Variants in DLGAP2 observed in about 807,000 individuals in gnomAD.
The protein encoded by DLGAP2 is DLG associated protein 2.
DLGAP2 carries 26 observed loss-of-function variants against 100.3 expected under a neutral mutation model. The observed-to-expected ratio is 0.26, with a 90% CI of 0.19 to 0.36. The LOEUF (loss-of-function observed/expected upper bound fraction) is 0.36. DLGAP2 is among the 10% of genes least tolerant of loss of function. DLGAP2 has a pLI of 1.00. For synonymous variants in DLGAP2, 886 were observed against 630.1 expected (o/e 1.41, Z -6.08); for missense variants, 1,858 against 1,453.2 (o/e 1.28, Z -4.53).
chr8:1,601,441 G>C (rs760669022), intron 6 of DLGAP2, among the ~76,000 whole-genome samples: 5 of 152,178 alleles, frequency 3.3e-5, no homozygotes, highest in African/African-American at 9.6e-5. Context: ...CCGAGAGGCA[G>C]AAACGTTTAC....
chr8:1,701,647 G>C lies in DLGAP2; in HGVS notation c.*241G>C. 1 of 562,124 alleles carries C rather than the reference G, an allele frequency of 1.8e-6. No homozygotes were observed. The highest frequency in any genetic ancestry group is 3.1e-6 in the Non-Finnish European group (1 of 322,470). The allele number at this position is 562,124 out of a possible 1,614,324, so 34.8% of individuals were successfully genotyped here. On this transcript the variant is annotated 3_prime_UTR_variant, in exon 15 of 15. Transcript: ENST00000637795. ...TTCACGGGTGGCCTGGCTCACACTT[G>C]GCTCTGAGGGACAGGTGTGGCGAGA... is the stretch of plus-strand genomic sequence containing the variant.
intron 2 of DLGAP2, among the ~76,000 whole-genome samples, chr8:1,207,560 C>T (rs529689042): frequency 6.6e-6 from 1 of 152,110 alleles, no homozygotes; most frequent in African/African-American, 2.4e-5. Context: ...GTATAATGAG[C>T]CTTTTCTTCT....
At chr8:1,692,480 A>C (rs575887633) in intron 13 of DLGAP2, among the ~76,000 whole-genome samples, 1 of 148,510 alleles carries the variant, frequency 6.7e-6, no homozygotes, top group Middle Eastern at 3.6e-3. Context: ...TGGTTTAAGC[A>C]GTACCGAGGC....
rs1563043325 is a variant in DLGAP2 at position 1,255,004 on chromosome 8, T to TGCCCGGCC, written c.74-3845_74-3844insCCGGCCGC. On this transcript the variant is annotated intron_variant, in intron 2 of 14. Transcript: ENST00000637795. ...GTGCTGTGTGTGTGTCCTCTCATCC[T>TGCCCGGCC]GCTTGGGCGCTGTGTGTGTGTCTTC... Among the ~76,000 whole-genome samples the TGCCCGGCC allele has an allele frequency of 7.8e-4, 76 of 97,376 alleles. 5 individuals are homozygous for TGCCCGGCC. Among genetic ancestry groups the TGCCCGGCC allele is most frequent in the African/African-American group, 2.9e-3 (55 of 18,728 alleles). 63.9% of individuals were successfully genotyped at this position (97,376 alleles called of 152,430 possible). A position where few individuals can be genotyped will look rare whatever the true frequency, so the allele number is the denominator to read the frequency against.
At chr8:1,641,276 A>T (rs925314937) in intron 8 of DLGAP2, among the ~76,000 whole-genome samples, 45 of 152,238 alleles carry the variant, frequency 3.0e-4, no homozygotes, top group African/African-American at 8.9e-4. Flanking sequence ...TATGTAAGCC[A>T]GAATTGCTCG....
In DLGAP2 at chr8:1,706,681, T is replaced by C. The variant is rs1243425419; in HGVS notation, c.*5275T>C. 1 of 152,128 alleles carries C rather than the reference T, an allele frequency of 6.6e-6. No homozygotes were observed. Among genetic ancestry groups the C allele is most frequent in the Non-Finnish European group, 1.5e-5 (1 of 68,032 alleles). 9.4% of individuals were successfully genotyped at this position (152,128 alleles called of 1,614,324 possible). ...TCACCATTACTTAAGCTCAATCGCCTCTTAGATGAAATGAGGAGATAAACT... is the reference window on the plus strand; with the variant it reads ...TCACCATTACTTAAGCTCAATCGCCCCTTAGATGAAATGAGGAGATAAACT... On this transcript the variant is annotated 3_prime_UTR_variant, in exon 15 of 15. Coordinates refer to ENST00000637795, the MANE Select transcript of DLGAP2 (RefSeq NM_001346810.2).
At chr8:951,496 C>CTT (rs1799479017) in intron 2 of DLGAP2, among the ~76,000 whole-genome samples, 1 of 152,154 alleles carries the variant, frequency 6.6e-6, no homozygotes, top group African/African-American at 2.4e-5. Flanking sequence ...GGTGATCTGC[C>CTT]CGTCTTGGCC....
Position 1,624,395 on chromosome 8 carries a change from G to A in DLGAP2, c.1443-2345G>A, listed in dbSNP as rs552889541. Reference sequence around the variant, plus strand: ...GCATCCACCTGAGGCCACACTGCTCGGGCTCCATAGCTCGGGGCTTCGTCC... The same window carrying A: ...GCATCCACCTGAGGCCACACTGCTCAGGCTCCATAGCTCGGGGCTTCGTCC... On this transcript the variant is annotated intron_variant, in intron 6 of 14. Transcript: ENST00000637795. Among the ~76,000 whole-genome samples, 98 of 152,076 alleles carry A rather than the reference G, an allele frequency of 6.4e-4. 1 individual carries two copies. The highest frequency in any genetic ancestry group is 2.1e-3 in the African/African-American group (86 of 41,514).
In DLGAP2 at chr8:1,604,826, AATGGCTTAG is replaced by A. The variant is rs1796745137; in HGVS notation, c.1443-21910_1443-21902del. The A allele has an allele frequency of 3.3e-5, 5 of 152,290 alleles. No homozygotes were observed. In the South Asian group the frequency reaches 8.3e-4, roughly 25 times the overall value. 9.4% of individuals were successfully genotyped at this position (152,290 alleles called of 1,614,324 possible). ...TTGTTAAAAAAAAAACTCAAACATA[AATGGCTTAG>A]ATGTAAATAATAATGAAGATACCAC... On this transcript the variant is annotated intron_variant, in intron 6 of 14. Coordinates refer to ENST00000637795, the MANE Select transcript of DLGAP2 (RefSeq NM_001346810.2).
At chr8:1,350,543 C>A (rs374293187) in intron 3 of DLGAP2, among the ~76,000 whole-genome samples, 3 of 43,614 alleles carry the variant, frequency 6.9e-5, no homozygotes, top group African/African-American at 1.2e-4. Context: ...CGTGGAAAGG[C>A]CGTGCGGGTC....
chr8:1,142,098 C>T (rs1373371670), intron 2 of DLGAP2, among the ~76,000 whole-genome samples: 2 of 150,136 alleles, frequency 1.3e-5, no homozygotes, highest in Non-Finnish European at 1.5e-5. Context: ...TATGAAATTG[C>T]CATTTTAGAC....
chr8:1,311,282 T>TA (rs1340677703), intron 3 of DLGAP2, among the ~76,000 whole-genome samples: 1 of 152,120 alleles, frequency 6.6e-6, no homozygotes, highest in East Asian at 1.9e-4. Flanking sequence ...TCTATAATGA[T>TA]AAAAAAATAA....
chr8:1,025,008 T>C (rs994221161), intron 2 of DLGAP2, among the ~76,000 whole-genome samples: 20 of 152,036 alleles, frequency 1.3e-4, no homozygotes, highest in African/African-American at 4.8e-4. Flanking sequence ...CCGTTCTCTC[T>C]CTCTCTGTGT....
chr8:1,135,835 G>A (rs1026635251), intron 2 of DLGAP2, among the ~76,000 whole-genome samples: 12 of 152,190 alleles, frequency 7.9e-5, no homozygotes, highest in African/African-American at 2.9e-4. Flanking sequence ...CAAAACAATA[G>A]ATCTCTGCTG....
chr8:946,666 G>A (rs1799334507), intron 2 of DLGAP2, among the ~76,000 whole-genome samples: 1 of 152,186 alleles, frequency 6.6e-6, no homozygotes, highest in Non-Finnish European at 1.5e-5. Context: ...GGTAACAGCA[G>A]ACAGGTAATA....
chr8:1,071,066 G>C (rs1401583134), intron 2 of DLGAP2, among the ~76,000 whole-genome samples: 2 of 152,158 alleles, frequency 1.3e-5, no homozygotes, highest in African/African-American at 4.8e-5. Context: ...CCTGTGTTTC[G>C]GGGGCGACCC....
intron 1 of DLGAP2, among the ~76,000 whole-genome samples, chr8:821,751 G>T (rs758603780): frequency 4.3e-4 from 65 of 152,316 alleles, no homozygotes; most frequent in South Asian, 8.3e-4. Context: ...CTGATTTAAA[G>T]TATGGTTTTA....
At chr8:824,613 C>T (rs1378185454) in intron 1 of DLGAP2, among the ~76,000 whole-genome samples, 1 of 152,038 alleles carries the variant, frequency 6.6e-6, no homozygotes, top group Non-Finnish European at 1.5e-5. Context: ...GGAGCTTCCC[C>T]TCTGGTGAAG....
chr8:926,454 C>T (rs970716211), intron 2 of DLGAP2, among the ~76,000 whole-genome samples: 6 of 152,208 alleles, frequency 3.9e-5, no homozygotes, highest in African/African-American at 7.2e-5. Flanking sequence ...GCTCCATCCA[C>T]GATGGTAATT....
Sources: allele counts gnomAD v4.1 joint callset (sites outside exome capture counted in the v4.1 genomes callset), GRCh38; gene constraint gnomAD v4.1.1; transcripts MANE v1.5; gene names NCBI Gene and HGNC (gene_info 2026-07-23, HGNC 2026-07-21).